RBM20: variants seen among roughly 807,000 people sequenced by gnomAD.
RBM20 encodes RNA binding motif protein 20.
RBM20 carries 51 observed loss-of-function variants against 110.1 expected under a neutral mutation model. The observed-to-expected ratio is 0.46, with a 90% CI of 0.37 to 0.59. RBM20 has a LOEUF of 0.59. Among genes scored for constraint, RBM20 ranks in the 20% least tolerant of loss-of-function variants. The pLI, the probability that RBM20 is intolerant of heterozygous loss-of-function variation, is 0.00. For missense variants in RBM20, 1,512 were observed against 1,574.9 expected, an observed-to-expected ratio of 0.96 and a Z score of 0.68; for synonymous variants, 589 against 618.2, an observed-to-expected ratio of 0.95 and a Z score of 0.70.
rs1328162121 is a variant in RBM20 at position 110,838,694 on chromosome 10, G to C, written c.*2716G>C. 6.7e-6 allele frequency: 1 copy of C among 149,036 alleles called. No individual in the cohort carries two copies. Among genetic ancestry groups the C allele is most frequent in the Admixed American group, 6.7e-5 (1 of 14,868 alleles). 9.2% of individuals were successfully genotyped at this position (149,036 alleles called of 1,614,324 possible). ...CATTTCCATGGAAATCCAGATGGTC[G>C]TGTAGTGTTATGGCTCTCTTGTGAT... On this transcript the variant is annotated 3_prime_UTR_variant, in exon 14 of 14. Transcript: ENST00000369519.
intron 1 of RBM20, among the ~76,000 whole-genome samples, chr10:110,730,650 A>G (rs1202289805): frequency 2.0e-5 from 3 of 152,248 alleles, no homozygotes; most frequent in African/African-American, 4.8e-5. Flanking sequence ...CCCTCAGACC[A>G]TGCCAGCATG....
rs372172985 is a variant in RBM20, at chr10:110,752,946, T to TATA, written c.192-27855_192-27854insATA. 4.8e-3 allele frequency among the ~76,000 whole-genome samples: 300 copies of TATA among 62,302 alleles called. 3 individuals carry two copies. Among genetic ancestry groups the TATA allele is most frequent in the African/African-American group, 0.015 (271 of 18,212 alleles). 40.9% of individuals were successfully genotyped at this position (62,302 alleles called of 152,430 possible). A position where few individuals can be genotyped will look rare whatever the true frequency, so the allele number is the denominator to read the frequency against. ...ATATATATATATATATATATATATA[T>TATA]TTTTTTTTTTTTTATGAAGTCTCCC... On this transcript the variant is annotated intron_variant, in intron 1 of 13. Transcript: ENST00000369519.
At chr10:110,783,030 G>A (rs1844373916) in intron 2 of RBM20, among the ~76,000 whole-genome samples, 1 of 152,076 alleles carries the variant, frequency 6.6e-6, no homozygotes, top group South Asian at 2.1e-4. Flanking sequence ...GGTCTTCCTG[G>A]GGGAAAGGAG....
chr10:110,777,031 G>A (rs1844274397), intron 1 of RBM20, among the ~76,000 whole-genome samples: 1 of 152,104 alleles, frequency 6.6e-6, no homozygotes, highest in African/African-American at 2.4e-5. Flanking sequence ...TGTCCATATT[G>A]CCTCAAAGCC....
At chr10:110,675,886 G>C (rs1232528696) in intron 1 of RBM20, among the ~76,000 whole-genome samples, 1 of 152,228 alleles carries the variant, frequency 6.6e-6, no homozygotes, top group Non-Finnish European at 1.5e-5. Context: ...AGAATGCCTA[G>C]CAGAGAGTAA....
At position 110,836,796 on chromosome 10, in the gene RBM20, A is replaced by G. The variant is rs1270817415; in HGVS notation, c.*818A>G. 1.3e-5 allele frequency: 2 copies of G among 152,282 alleles called. No individual in the cohort carries two copies. Among genetic ancestry groups the G allele is most frequent in the East Asian group, 3.9e-4 (2 of 5,182 alleles). 9.4% of individuals were successfully genotyped at this position (152,282 alleles called of 1,614,324 possible). Reference sequence around the variant, plus strand: ...TGTCAGGGTTTTTCTATTCTGGACAATGAATTTGGTACAGAGTCACTGTAA... The same window carrying G: ...TGTCAGGGTTTTTCTATTCTGGACAGTGAATTTGGTACAGAGTCACTGTAA... On this transcript the variant is annotated 3_prime_UTR_variant, in exon 14 of 14. Coordinates refer to ENST00000369519, the MANE Select transcript of RBM20 (RefSeq NM_001134363.3).
At chr10:110,684,890 T>G (rs560493180) in intron 1 of RBM20, among the ~76,000 whole-genome samples, 1 of 152,332 alleles carries the variant, frequency 6.6e-6, no homozygotes, top group South Asian at 2.1e-4. Context: ...GGCCCTGCCC[T>G]GCCACCACGC....
chr10:110,821,694 C>T lies in RBM20; in HGVS notation c.3075C>T (p.Tyr1025=), dbSNP rs777886957. The T allele has an allele frequency of 9.7e-6, 15 of 1,551,662 alleles. No homozygotes were observed. The African/African-American group carries it at 1.2e-4, about 13-fold the overall frequency. Residue 1025 remains tyrosine, a synonymous_variant, in exon 11 of 14, where the codon TAC becomes TAT. Coordinates refer to ENST00000369519, the MANE Select transcript of RBM20 (RefSeq NM_001134363.3). The stretch of plus-strand genomic sequence containing the variant: ...TCTCCCTGGAGGATTCAGATTGCTA[C>T]GAGAAGGAGGCAAAGGGAGTGGAGA... ...TGLSLEDSDC[Y]EKEAKGVESS... is the part of the protein sequence containing the mutation.
rs374987713 is a variant in RBM20, at chr10:110,833,514, G to A, written c.3573+2332G>A. ...ATCCTTATATCAGGCTCTGATAGTC[G>A]ATGTGAGAACCTTTTCTCTCATCCA... is the stretch of plus-strand genomic sequence containing the variant. On this transcript the variant is annotated intron_variant, in intron 13 of 13. Transcript: ENST00000369519. Among the ~76,000 whole-genome samples the A allele has an allele frequency of 4.6e-5, 7 of 151,744 alleles. No homozygotes were observed. In the South Asian group the frequency reaches 6.2e-4, roughly 13 times the overall value.
intron 1 of RBM20, among the ~76,000 whole-genome samples, chr10:110,771,789 A>G (rs1436729561): frequency 1.3e-5 from 2 of 152,148 alleles, no homozygotes; most frequent in Non-Finnish European, 2.9e-5. Context: ...GGGCCAGTAT[A>G]TGCCAAGGCA....
At chr10:110,706,480 A>G (rs1162721258) in intron 1 of RBM20, among the ~76,000 whole-genome samples, 1 of 152,162 alleles carries the variant, frequency 6.6e-6, no homozygotes, top group Non-Finnish European at 1.5e-5. Context: ...TCTCTTTCTG[A>G]TATCCGCCAG....
chr10:110,823,451 T>TGC, intron 11 of RBM20, 29 bp from the exon 12 acceptor site: 1 of 1,047,914 alleles, frequency 9.5e-7, no homozygotes, highest in Non-Finnish European at 1.2e-6. Flanking sequence ...TTTTTTTTTT[T>TGC]TTTTTTTGCC....
At chr10:110,644,327 C>T, upstream of RBM20, 1 of 656,132 alleles carries the variant, frequency 1.5e-6, no homozygotes, top group Non-Finnish European at 2.3e-6. This position sits in a 1 kb window ranked among gnomAD's most constrained non-coding sequence, Gnocchi z 4.3. Context: ...CCCCTCGCGT[C>T]TCCTCCCCGC....
intron 1 of RBM20, among the ~76,000 whole-genome samples, chr10:110,715,993 G>A (rs931817974): frequency 1.3e-5 from 2 of 152,308 alleles, no homozygotes; most frequent in South Asian, 2.1e-4. Flanking sequence ...ACAAGCTTTT[G>A]ATTATGTTCT....
rs138457669 is a variant in RBM20, at chr10:110,819,991, T to C, written c.2551-81T>C. ...TGAAACCTATCTGAGAGCTGGGACCTGCATTCAATATCATTCTTTTTTTCT... is the reference window on the plus strand; with the variant it reads ...TGAAACCTATCTGAGAGCTGGGACCCGCATTCAATATCATTCTTTTTTTCT... On this transcript the variant is annotated intron_variant, in intron 9 of 13. Transcript: ENST00000369519. The C allele has an allele frequency of 5.5e-4, 468 of 844,606 alleles. 1 individual carries two copies. The East Asian group carries it at 0.012, about 21-fold the overall frequency. The allele number at this position is 844,606 out of a possible 1,614,324, so 52.3% of individuals were successfully genotyped here. A position where few individuals can be genotyped will look rare whatever the true frequency, so the allele number is the denominator to read the frequency against.
chr10:110,820,945 G>A (rs1461992982), intron 10 of RBM20, among the ~76,000 whole-genome samples: 2 of 152,212 alleles, frequency 1.3e-5, no homozygotes, highest in South Asian at 2.1e-4. Context: ...ATGCAAGAAA[G>A]ATGCTCCAGT....
intron 1 of RBM20, among the ~76,000 whole-genome samples, chr10:110,759,407 C>T (rs1688945253): frequency 6.6e-6 from 1 of 152,070 alleles, no homozygotes; most frequent in Non-Finnish European, 1.5e-5. Context: ...AGAATTTCAC[C>T]TTGAATTGCC....
intron 1 of RBM20, among the ~76,000 whole-genome samples, chr10:110,693,332 T>C (rs892907498): frequency 6.6e-6 from 1 of 152,210 alleles, no homozygotes; most frequent in Non-Finnish European, 1.5e-5. Flanking sequence ...TTGAGAAAGA[T>C]TGGTGTTAAT....
chr10:110,790,168 C>T (rs574129705), intron 5 of RBM20, among the ~76,000 whole-genome samples: 1 of 152,360 alleles, frequency 6.6e-6, no homozygotes, highest in East Asian at 1.9e-4. Context: ...AAGTCACAGG[C>T]TGCAACTCTG....
Sources: gnomAD v4.1 joint callset for allele counts (sites outside exome capture counted in the v4.1 genomes callset) on GRCh38, gnomAD v4.1.1 for gene constraint, Gnocchi (gnomAD v3.1) non-coding constraint, MANE v1.5 for transcripts, NCBI Gene and HGNC (gene_info 2026-07-23, HGNC 2026-07-21) for gene names.